The following CNTLN variants were observed in gnomAD, a reference collection of about 807,000 sequenced individuals.
CNTLN encodes centlein, centrosomal protein.
CNTLN carries 212 observed loss-of-function variants against 180.0 expected under a neutral mutation model. That is an observed-to-expected ratio of 1.18 (90% CI 1.05 to 1.32). The LOEUF is 1.32. Among genes scored for constraint, CNTLN ranks in the 40% most tolerant of loss-of-function variants. The pLI is 0.00. For missense variants in CNTLN, 2,095 were observed against 1,610.9 expected (o/e 1.30, Z -5.14); for synonymous variants, 722 against 563.1 (o/e 1.28, Z -3.99).
At chr9:17,301,871 A>AT (rs1818380063) in intron 7 of CNTLN, 1 of 956,222 alleles carries the variant, frequency 1.0e-6, no homozygotes, top group Non-Finnish European at 1.2e-6. Context: ...TTAAAAATGC[A>AT]TCTTAACATA....
intron 5 of CNTLN, among the ~76,000 whole-genome samples, chr9:17,266,177 T>G (rs1034413215): frequency 9.9e-5 from 15 of 152,084 alleles, no homozygotes; most frequent in African/African-American, 3.6e-4. Context: ...GGGCATTTAG[T>G]GCTATAAATT....
At chr9:17,381,701 A>G (rs1470739614) in intron 13 of CNTLN, among the ~76,000 whole-genome samples, 1 of 152,190 alleles carries the variant, frequency 6.6e-6, no homozygotes, top group Non-Finnish European at 1.5e-5. Flanking sequence ...ATGCAGTAAT[A>G]AACATTTATT....
At chr9:17,365,076 A>G (rs1347670058) in intron 12 of CNTLN, among the ~76,000 whole-genome samples, 3 of 152,142 alleles carry the variant, frequency 2.0e-5, no homozygotes, top group Non-Finnish European at 4.4e-5. Context: ...CTAAATGTCC[A>G]TCTGATATGG....
At chr9:17,165,725 G>A (rs1385829580) in intron 2 of CNTLN, among the ~76,000 whole-genome samples, 1 of 152,134 alleles carries the variant, frequency 6.6e-6, no homozygotes, top group Non-Finnish European at 1.5e-5. Context: ...GAAAACTGGG[G>A]GAATAAGTGA....
At position 17,175,682 on chromosome 9, in the gene CNTLN, T is replaced by C. The variant is rs528850027; in HGVS notation, c.449+32306T>C. On this transcript the variant is annotated intron_variant, in intron 2 of 25. Transcript: ENST00000380647. ...TCTTGTCTCTATTTTTTAAAAATCT[T>C]GTTCAGGTTTTGAGTTGAACCTAGA... Among the ~76,000 whole-genome samples, 7 of 152,316 alleles carry C rather than the reference T, an allele frequency of 4.6e-5. No individual in the cohort carries two copies. The South Asian group carries it at 1.4e-3, about 32-fold the overall frequency.
At chr9:17,197,930 G>A (rs922883326) in intron 2 of CNTLN, among the ~76,000 whole-genome samples, 3 of 152,082 alleles carry the variant, frequency 2.0e-5, no homozygotes, top group Non-Finnish European at 4.4e-5. Flanking sequence ...AGAAATGAGG[G>A]TCTAGTTTCA....
intron 2 of CNTLN, among the ~76,000 whole-genome samples, chr9:17,216,722 C>T (rs1018475254): frequency 6.6e-6 from 1 of 152,168 alleles, no homozygotes; most frequent in African/African-American, 2.4e-5. Context: ...GGACCACCTC[C>T]CTCCTGCTCC....
intron 8 of CNTLN, among the ~76,000 whole-genome samples, chr9:17,315,109 C>T (rs911987895): frequency 2.0e-5 from 3 of 152,010 alleles, no homozygotes; most frequent in Admixed American, 6.6e-5. Flanking sequence ...TTCTGTATTT[C>T]CCACTAGGAT....
chr9:17,381,572 C>T (rs1825258576), intron 13 of CNTLN, among the ~76,000 whole-genome samples: 1 of 152,220 alleles, frequency 6.6e-6, no homozygotes, highest in Non-Finnish European at 1.5e-5. Context: ...ACCACCCAGT[C>T]CCAAAATCAG....
At chr9:17,398,334 G>GA (rs753001945) in intron 15 of CNTLN, among the ~76,000 whole-genome samples, 15 of 152,268 alleles carry the variant, frequency 9.9e-5, no homozygotes, top group Admixed American at 2.6e-4. Context: ...GACTTACAAG[G>GA]AGACAGGAGT....
At chr9:17,270,010 C>T (rs1048594441) in intron 5 of CNTLN, among the ~76,000 whole-genome samples, 3 of 152,058 alleles carry the variant, frequency 2.0e-5, no homozygotes, top group African/African-American at 7.2e-5. Context: ...CTTTTATAAT[C>T]TTGCTCAACT....
intron 18 of CNTLN, among the ~76,000 whole-genome samples, chr9:17,442,792 C>G (rs760858518): frequency 3.3e-5 from 5 of 152,030 alleles, no homozygotes; most frequent in Non-Finnish European, 5.9e-5. Flanking sequence ...ACATAACATA[C>G]CTGAATTTAT....
At chr9:17,315,913 AATTTTTCC>A (rs1413487428) in intron 8 of CNTLN, among the ~76,000 whole-genome samples, 1 of 151,898 alleles carries the variant, frequency 6.6e-6, no homozygotes, top group African/African-American at 2.4e-5. Flanking sequence ...AGAGATGTTG[AATTTTTCC>A]AACCATACTT....
At chr9:17,425,055 T>C (rs1828986072) in intron 18 of CNTLN, among the ~76,000 whole-genome samples, 1 of 152,196 alleles carries the variant, frequency 6.6e-6, no homozygotes, top group Non-Finnish European at 1.5e-5. Flanking sequence ...TGAAATAATA[T>C]CTATATTTAG....
intron 8 of CNTLN, 21 bp downstream of exon 8, chr9:17,309,273 CTG>C: frequency 6.6e-7 from 1 of 1,505,534 alleles, no homozygotes; most frequent in Non-Finnish European, 8.9e-7. Context: ...TTTTCTAAAA[CTG>C]TTATTCAGTG....
intron 18 of CNTLN, among the ~76,000 whole-genome samples, chr9:17,425,587 G>A (rs566904043): frequency 4.3e-4 from 66 of 152,320 alleles, no homozygotes; most frequent in African/African-American, 1.1e-3. Flanking sequence ...ATCAAATGTG[G>A]AAGTGGCTTT....
At position 17,226,295 on chromosome 9, in the gene CNTLN, T is replaced by A. The variant is rs1824459592; in HGVS notation, c.534+8T>A. 6.8e-7 allele frequency: 1 copy of A among 1,470,768 alleles called. No individual in the cohort carries two copies. Among genetic ancestry groups the A allele is most frequent in the Non-Finnish European group, 9.1e-7 (1 of 1,092,908 alleles). The allele number at this position is 1,470,768 out of a possible 1,614,324, so 91.1% of individuals were successfully genotyped here. A position where few individuals can be genotyped will look rare whatever the true frequency, so the allele number is the denominator to read the frequency against. ...ATACAAGAATTTGAACAGGTTGGTG[T>A]TATAATAAAAATATTTAAATTAACT... is the stretch of plus-strand genomic sequence containing the variant. On this transcript the variant is annotated splice_region_variant and intron_variant, in intron 3 of 25. Coordinates refer to ENST00000380647, the MANE Select transcript of CNTLN (RefSeq NM_017738.4).
At position 17,189,401 on chromosome 9, in the gene CNTLN, C is replaced by T. The variant is rs141885232; in HGVS notation, c.450-36802C>T. 6.9e-4 allele frequency among the ~76,000 whole-genome samples: 104 copies of T among 151,256 alleles called. 1 individual carries two copies. Among genetic ancestry groups the T allele is most frequent in the African/African-American group, 2.4e-3 (100 of 41,274 alleles). ...CCGGCCAGGACTTAGTTTTAAACTT[C>T]ATTAGTGCAGGCTTAGAGCGATAGA... On this transcript the variant is annotated intron_variant, in intron 2 of 25. Coordinates refer to ENST00000380647, the MANE Select transcript of CNTLN (RefSeq NM_017738.4).
At chr9:17,281,491 C>T (rs1369665916) in intron 6 of CNTLN, among the ~76,000 whole-genome samples, 2 of 152,076 alleles carry the variant, frequency 1.3e-5, no homozygotes, top group African/African-American at 4.8e-5. Context: ...TGTTCCCCTA[C>T]CTGTATCCGT....
Sources: gnomAD v4.1 joint callset for allele counts (sites outside exome capture counted in the v4.1 genomes callset) on GRCh38, gnomAD v4.1.1 for gene constraint, MANE v1.5 for transcripts, NCBI Gene and HGNC (gene_info 2026-07-23, HGNC 2026-07-21) for gene names.